Variants in FSIP1 observed in about 807,000 individuals in gnomAD.
The protein encoded by FSIP1 is fibrous sheath-interacting protein 1.
In FSIP1, 65 loss-of-function variants were observed where a neutral mutation model predicts 60.9. The ratio of observed to expected loss-of-function variants is 1.07; its 90% confidence interval spans 0.87 to 1.31. The LOEUF is 1.31. FSIP1 is among the 40% of genes most tolerant of loss of function. FSIP1 has a pLI of 0.00. For missense variants in FSIP1, 675 were observed against 665.5 expected (o/e 1.01, Z -0.16); for synonymous variants, 209 against 221.2 (o/e 0.94, Z 0.49).
intron 5 of FSIP1, among the ~76,000 whole-genome samples, chr15:39,757,515 T>C (rs1897336196): frequency 6.6e-6 from 1 of 152,066 alleles, no homozygotes; most frequent in African/African-American, 2.4e-5. Context: ...AGTTATGTAG[T>C]CCAAAAAACA....
At chr15:39,715,144 G>A (rs1183416133) in intron 9 of FSIP1, among the ~76,000 whole-genome samples, 1 of 152,120 alleles carries the variant, frequency 6.6e-6, no homozygotes. Flanking sequence ...AAGGTGCAAA[G>A]TATTCATGCT....
chr15:39,713,221 A>G (rs931474972), intron 10 of FSIP1, among the ~76,000 whole-genome samples: 2 of 152,222 alleles, frequency 1.3e-5, no homozygotes, highest in African/African-American at 4.8e-5. Context: ...TAAAACAGTC[A>G]AAAGAGACTG....
At chr15:39,735,982 A>G (rs959643402) in intron 8 of FSIP1, among the ~76,000 whole-genome samples, 3 of 152,184 alleles carry the variant, frequency 2.0e-5, no homozygotes, top group African/African-American at 7.2e-5. Context: ...ATCTCCTATG[A>G]TAACAATGCC....
chr15:39,619,988 A>G (rs1363602935), intron 10 of FSIP1, among the ~76,000 whole-genome samples: 1 of 152,192 alleles, frequency 6.6e-6, no homozygotes, highest in African/African-American at 2.4e-5. Context: ...GATGTTTGGC[A>G]GTTCTGATGA....
chr15:39,627,549 T>C (rs1487382077), intron 10 of FSIP1, among the ~76,000 whole-genome samples: 1 of 152,184 alleles, frequency 6.6e-6, no homozygotes, highest in African/African-American at 2.4e-5. Flanking sequence ...CTCCCTGAAG[T>C]GCAGTCACCC....
intron 11 of FSIP1, among the ~76,000 whole-genome samples, chr15:39,614,914 C>CAA (rs1232764158): frequency 1.3e-5 from 2 of 152,130 alleles, no homozygotes; most frequent in African/African-American, 4.8e-5. Flanking sequence ...ATAATTGCAA[C>CAA]AACATGCTAC....
At chr15:39,760,860 G>A (rs1012539480) in intron 5 of FSIP1, among the ~76,000 whole-genome samples, 1 of 152,062 alleles carries the variant, frequency 6.6e-6, no homozygotes, top group African/African-American at 2.4e-5. Flanking sequence ...AGAAGCAGGG[G>A]GGAAGGGTAT....
intron 10 of FSIP1, among the ~76,000 whole-genome samples, chr15:39,675,563 T>C (rs1338459376): frequency 6.6e-6 from 1 of 152,178 alleles, no homozygotes; most frequent in Non-Finnish European, 1.5e-5. Flanking sequence ...CTTGGCAGCA[T>C]AATACAGACT....
rs114208540 is a variant in FSIP1, at chr15:39,706,978, G to A, written c.1188+6466C>T. Among the ~76,000 whole-genome samples, 1,022 of 152,258 alleles carry A rather than the reference G, an allele frequency of 6.7e-3. 17 individuals carry two copies. Among genetic ancestry groups the A allele is most frequent in the African/African-American group, 0.023 (974 of 41,550 alleles). ...TGTGTACAGTAAGTTATGAAACTGGGTCAAAGCAAGGCAAAAGGGTCCCAG... is the reference window on the plus strand; with the variant it reads ...TGTGTACAGTAAGTTATGAAACTGGATCAAAGCAAGGCAAAAGGGTCCCAG... On this transcript the variant is annotated intron_variant, in intron 10 of 11. Coordinates refer to ENST00000350221, the MANE Select transcript of FSIP1 (RefSeq NM_152597.5).
intron 10 of FSIP1, among the ~76,000 whole-genome samples, chr15:39,632,742 G>A (rs182597025): frequency 3.3e-5 from 5 of 152,150 alleles, no homozygotes; most frequent in African/African-American, 7.2e-5. Context: ...GCAGTGAGCC[G>A]AGATCGGCCA....
intron 9 of FSIP1, among the ~76,000 whole-genome samples, chr15:39,725,203 C>T (rs928236746): frequency 6.6e-6 from 1 of 152,162 alleles, no homozygotes; most frequent in Non-Finnish European, 1.5e-5. Context: ...TGAACTCCAG[C>T]CTGGTGACAG....
At chr15:39,760,163 T>C (rs1426583071) in intron 5 of FSIP1, among the ~76,000 whole-genome samples, 2 of 152,202 alleles carry the variant, frequency 1.3e-5, no homozygotes, top group Non-Finnish European at 2.9e-5. Flanking sequence ...TGAATTAATA[T>C]ATAATCATTA....
At chr15:39,628,789 C>A (rs758516497) in intron 10 of FSIP1, among the ~76,000 whole-genome samples, 7 of 152,196 alleles carry the variant, frequency 4.6e-5, no homozygotes, top group African/African-American at 7.2e-5. Flanking sequence ...TGGTATTGGG[C>A]AAATCACTTA....
chr15:39,674,340 C>T (rs7498087), intron 10 of FSIP1, among the ~76,000 whole-genome samples: 4,834 of 152,234 alleles, frequency 0.032, 245 homozygotes, highest in African/African-American at 0.11. Flanking sequence ...AGGCGTGAGC[C>T]ACTGCATCCG....
intron 10 of FSIP1, among the ~76,000 whole-genome samples, chr15:39,692,736 C>A (rs1038513716): frequency 6.6e-6 from 1 of 150,826 alleles, no homozygotes; most frequent in African/African-American, 2.4e-5. Flanking sequence ...AGAGAGAAGA[C>A]CCTAGGTTTA....
chr15:39,710,033 G>A (rs909318454), intron 10 of FSIP1, among the ~76,000 whole-genome samples: 5 of 152,090 alleles, frequency 3.3e-5, no homozygotes, highest in African/African-American at 9.7e-5. Flanking sequence ...CCAGATTCCC[G>A]GCTGAAATAA....
At chr15:39,613,356 T>C (rs1298736805) in intron 11 of FSIP1, among the ~76,000 whole-genome samples, 1 of 152,156 alleles carries the variant, frequency 6.6e-6, no homozygotes, top group Non-Finnish European at 1.5e-5. Context: ...TTGGATAACC[T>C]AGATGTGAAC....
At chr15:39,621,439 A>G (rs1049384577) in intron 10 of FSIP1, among the ~76,000 whole-genome samples, 1 of 152,208 alleles carries the variant, frequency 6.6e-6, no homozygotes, top group Non-Finnish European at 1.5e-5. Context: ...AGGAAAGAAA[A>G]CACAGAAGAC....
chr15:39,743,022 T>C (rs1421471690), intron 5 of FSIP1, among the ~76,000 whole-genome samples: 1 of 152,202 alleles, frequency 6.6e-6, no homozygotes, highest in African/African-American at 2.4e-5. Flanking sequence ...TCATTAAAAG[T>C]AGGCTCAGCA....
Sources: gnomAD v4.1 joint callset for allele counts (sites outside exome capture counted in the v4.1 genomes callset) on GRCh38, gnomAD v4.1.1 for gene constraint, MANE v1.5 for transcripts, NCBI Gene and HGNC (gene_info 2026-07-23, HGNC 2026-07-21) for gene names.